Variants in PRKCE observed in about 807,000 individuals in gnomAD.
The protein encoded by PRKCE is protein kinase C epsilon.
PRKCE carries 16 observed loss-of-function variants against 85.4 expected under a neutral mutation model. The ratio of observed to expected loss-of-function variants is 0.19; its 90% confidence interval spans 0.13 to 0.28. PRKCE has a LOEUF of 0.28. Among genes scored for constraint, PRKCE ranks in the 10% least tolerant of loss-of-function variants. The probability of loss-of-function intolerance (pLI) is 1.00; values close to 1 mark genes in which losing one functional copy is unlikely to be tolerated. For synonymous variants in PRKCE, 388 were observed against 371.5 expected (o/e 1.04, Z -0.51); for missense variants, 573 against 975.2 (o/e 0.59, Z 5.49).
intron 11 of PRKCE, among the ~76,000 whole-genome samples, chr2:46,124,047 G>A (rs1025002023): frequency 2.6e-5 from 4 of 152,168 alleles, no homozygotes; most frequent in Admixed American, 2.6e-4. Context: ...AGATATGGCT[G>A]GGTATGGTGG....
At chr2:45,700,019 C>A (rs1678490297) in intron 1 of PRKCE, among the ~76,000 whole-genome samples, 1 of 151,970 alleles carries the variant, frequency 6.6e-6, no homozygotes, top group South Asian at 2.1e-4. Context: ...TGAGGGGAGG[C>A]AGTGGCCAGG....
At position 45,853,835 on chromosome 2, in the gene PRKCE, A is replaced by G. The variant is rs577235955; in HGVS notation, c.412+10772A>G. On this transcript the variant is annotated intron_variant, in intron 2 of 14. Coordinates refer to ENST00000306156, the MANE Select transcript of PRKCE (RefSeq NM_005400.3). ...AATGTTTAAGCTTACTGTATCGGAT[A>G]CTTACTAGGGACTTTCCAATGCCAC... 2.6e-5 allele frequency among the ~76,000 whole-genome samples: 4 copies of G among 152,270 alleles called. No individual in the cohort carries two copies. In the South Asian group the frequency reaches 8.3e-4, roughly 32 times the overall value.
intron 1 of PRKCE, among the ~76,000 whole-genome samples, chr2:45,768,069 T>A (rs3924522): frequency 6.6e-6 from 1 of 152,118 alleles, no homozygotes; most frequent in Non-Finnish European, 1.5e-5. Flanking sequence ...TTGGCCAGGG[T>A]TCATGAGTGG....
intron 2 of PRKCE, among the ~76,000 whole-genome samples, chr2:45,881,405 A>C (rs895130827): frequency 4.6e-5 from 7 of 152,164 alleles, no homozygotes; most frequent in African/African-American, 1.7e-4. Context: ...TTTTAAATGG[A>C]ATTTCTAGGC....
At chr2:46,058,037 C>T (rs1666760083) in intron 10 of PRKCE, among the ~76,000 whole-genome samples, 1 of 151,878 alleles carries the variant, frequency 6.6e-6, no homozygotes, top group African/African-American at 2.4e-5. Flanking sequence ...TTTCCTCTGC[C>T]CTCACTTTCC....
chr2:46,115,636 A>T (rs1450339942), intron 11 of PRKCE, among the ~76,000 whole-genome samples: 2 of 152,182 alleles, frequency 1.3e-5, no homozygotes, highest in African/African-American at 4.8e-5. Context: ...AAAGATCTCT[A>T]TGGGCATCAG....
intron 10 of PRKCE, among the ~76,000 whole-genome samples, chr2:46,085,575 A>G (rs1280061009): frequency 1.4e-5 from 2 of 147,066 alleles, no homozygotes; most frequent in East Asian, 2.4e-4. Context: ...TTTCACTCCA[A>G]TCTCTGCCTC....
At chr2:46,115,504 G>A (rs1431874973) in intron 11 of PRKCE, among the ~76,000 whole-genome samples, 2 of 152,188 alleles carry the variant, frequency 1.3e-5, no homozygotes, top group Non-Finnish European at 2.9e-5. Flanking sequence ...GAACCCAGAA[G>A]CCCCATTTCT....
At chr2:45,769,846 T>A (rs1478548954) in intron 1 of PRKCE, among the ~76,000 whole-genome samples, 1 of 152,244 alleles carries the variant, frequency 6.6e-6, no homozygotes, top group African/African-American at 2.4e-5. Context: ...TCCAGCACCC[T>A]GGTTAAAACA....
intron 10 of PRKCE, among the ~76,000 whole-genome samples, chr2:46,065,149 C>G (rs775043348): frequency 1.3e-5 from 2 of 152,032 alleles, no homozygotes; most frequent in Non-Finnish European, 2.9e-5. Flanking sequence ...GAGGAGGAGA[C>G]ATGGGTGGTA....
chr2:45,700,519 A>G (rs532259095), intron 1 of PRKCE: 1 of 152,168 alleles, frequency 6.6e-6, no homozygotes, highest in African/African-American at 2.4e-5. Flanking sequence ...TCATTCTTTG[A>G]TGTAATAAAT....
At position 45,786,921 on chromosome 2, in the gene PRKCE, G is replaced by C. The variant is rs1202981513; in HGVS notation, c.349-56079G>C. ...GGGAATACGATTCCAGAACCTCACT[G>C]TTAACCAGGAAGCTGGTGTTTCTCA... On this transcript the variant is annotated intron_variant, in intron 1 of 14. Coordinates refer to ENST00000306156, the MANE Select transcript of PRKCE (RefSeq NM_005400.3). This position sits in a 1 kb window ranked among gnomAD's most constrained non-coding sequence, Gnocchi z 5.3. Among the ~76,000 whole-genome samples the C allele has an allele frequency of 6.6e-6, 1 of 152,248 alleles. No homozygotes were observed. The highest frequency in any genetic ancestry group is 1.5e-5 in the Non-Finnish European group (1 of 68,046).
chr2:46,102,278 G>A (rs1671314543), intron 11 of PRKCE, among the ~76,000 whole-genome samples: 1 of 152,158 alleles, frequency 6.6e-6, no homozygotes, highest in African/African-American at 2.4e-5. Flanking sequence ...GTGTTAACAG[G>A]CCTACACTGG....
At chr2:46,154,733 C>CT (rs368843926) in intron 13 of PRKCE, among the ~76,000 whole-genome samples, 7,570 of 136,308 alleles carry the variant, frequency 0.056, 545 homozygotes, top group African/African-American at 0.17. Flanking sequence ...CTCAGTGAGG[C>CT]TTTTTTTTTT....
chr2:45,753,192 G>A (rs1266369909), intron 1 of PRKCE, among the ~76,000 whole-genome samples: 1 of 152,078 alleles, frequency 6.6e-6, no homozygotes, highest in African/African-American at 2.4e-5. Context: ...ACTACCTGAA[G>A]CCTAGTTAAA....
chr2:45,775,375 C>T (rs1308561464), intron 1 of PRKCE, among the ~76,000 whole-genome samples: 1 of 152,206 alleles, frequency 6.6e-6, no homozygotes, highest in Non-Finnish European at 1.5e-5. Flanking sequence ...CGTTCTCATG[C>T]TTCATGCAGT....
intron 2 of PRKCE, among the ~76,000 whole-genome samples, chr2:45,933,497 T>A (rs1381167382): frequency 1.7e-5 from 2 of 119,878 alleles, no homozygotes; most frequent in Non-Finnish European, 3.4e-5. Flanking sequence ...TTTTTGAGAC[T>A]GAGTCTCGCT....
chr2:45,745,117 G>C (rs563161931), intron 1 of PRKCE, among the ~76,000 whole-genome samples: 4 of 152,172 alleles, frequency 2.6e-5, no homozygotes, highest in Non-Finnish European at 5.9e-5. Context: ...GACAGGGAAG[G>C]CTGTTTTCTG....
chr2:45,985,206 T>G (rs573685260), intron 6 of PRKCE, among the ~76,000 whole-genome samples: 21 of 152,256 alleles, frequency 1.4e-4, no homozygotes, highest in Admixed American at 4.6e-4. Flanking sequence ...GCTCAGAGAC[T>G]AAGCAACTTG....
Sources: gnomAD v4.1 joint callset for allele counts (sites outside exome capture counted in the v4.1 genomes callset) on GRCh38, gnomAD v4.1.1 for gene constraint, Gnocchi (gnomAD v3.1) non-coding constraint, MANE v1.5 for transcripts, NCBI Gene and HGNC (gene_info 2026-07-23, HGNC 2026-07-21) for gene names.